SLC35D4: variants seen among roughly 807,000 people sequenced by gnomAD.
SLC35D4 encodes solute carrier family 35 member D4, also known as UDP-N-acetylglucosamine transporter SLC35D4.
At chr18:23,299,479 GC>G in the SLC35D4 span, among the ~76,000 whole-genome samples, 1 of 152,180 alleles carries the variant, frequency 6.6e-6, no homozygotes, top group Non-Finnish European at 1.5e-5. Context: ...GGATTCACAT[GC>G]GTCTCCATGG....
the SLC35D4 span, among the ~76,000 whole-genome samples, chr18:23,265,438 A>T: frequency 6.6e-6 from 1 of 152,028 alleles, no homozygotes; most frequent in African/African-American, 2.4e-5. Context: ...GTGTCTCATC[A>T]AGTACGGGCA....
At chr18:23,360,164 G>T in the SLC35D4 span, among the ~76,000 whole-genome samples, 1 of 152,336 alleles carries the variant, frequency 6.6e-6, no homozygotes, top group South Asian at 2.1e-4. Flanking sequence ...TGCTGGTAAG[G>T]ATGTGGAGCA....
chr18:23,375,319 G>A, the SLC35D4 span, among the ~76,000 whole-genome samples: 1 of 151,820 alleles, frequency 6.6e-6, no homozygotes, highest in Non-Finnish European at 1.5e-5. Flanking sequence ...ATTTAGAAGT[G>A]GAGTCATGAC....
the SLC35D4 span, among the ~76,000 whole-genome samples, chr18:23,339,728 G>A: frequency 3.3e-5 from 5 of 152,184 alleles, no homozygotes; most frequent in South Asian, 8.3e-4. Flanking sequence ...TGCAGATTCC[G>A]TGTCTGGTGA....
At chr18:23,345,120 G>C in the SLC35D4 span, among the ~76,000 whole-genome samples, 1 of 152,030 alleles carries the variant, frequency 6.6e-6, no homozygotes, top group Admixed American at 6.6e-5. Context: ...TGGCGAGCAA[G>C]GATCTAAGAT....
the SLC35D4 span, among the ~76,000 whole-genome samples, chr18:23,431,951 C>T: frequency 6.6e-6 from 1 of 152,134 alleles, no homozygotes; most frequent in Non-Finnish European, 1.5e-5. Context: ...TATATATCTA[C>T]TTTTTTCCCA....
the SLC35D4 span, among the ~76,000 whole-genome samples, chr18:23,423,304 C>T: frequency 6.6e-6 from 1 of 152,338 alleles, no homozygotes; most frequent in Admixed American, 6.5e-5. Flanking sequence ...TTCACTGACC[C>T]AGCCAAGCAG....
the SLC35D4 span, among the ~76,000 whole-genome samples, chr18:23,400,384 G>A: frequency 6.6e-6 from 1 of 152,174 alleles, no homozygotes; most frequent in Non-Finnish European, 1.5e-5. Flanking sequence ...AGCACTTTGG[G>A]AGGCTAAGAC....
the SLC35D4 span, chr18:23,430,644 T>C: frequency 1.2e-6 from 2 of 1,612,004 alleles, no homozygotes; most frequent in East Asian, 2.2e-5. Context: ...TGGAATAATG[T>C]AGGGTAGGTA....
the SLC35D4 span, chr18:23,257,038 A>G: frequency 1.6e-6 from 1 of 610,536 alleles, no homozygotes; most frequent in East Asian, 2.9e-5. Flanking sequence ...GGAAAGGAGC[A>G]GCTCCTTCAC....
the SLC35D4 span, among the ~76,000 whole-genome samples, chr18:23,374,698 C>T: frequency 9.9e-5 from 15 of 152,072 alleles, no homozygotes; most frequent in Admixed American, 3.3e-4. Flanking sequence ...TTAGTCAGGC[C>T]GGTCTCGAAC....
At chr18:23,364,320 A>T in the SLC35D4 span, among the ~76,000 whole-genome samples, 2,584 of 151,258 alleles carry the variant, frequency 0.017, 69 homozygotes, top group African/African-American at 0.059. Flanking sequence ...GTTTGTTTTT[A>T]AAAAAAAACA....
the SLC35D4 span, among the ~76,000 whole-genome samples, chr18:23,248,220 C>T: frequency 5.3e-5 from 8 of 152,318 alleles, no homozygotes; most frequent in Non-Finnish European, 8.8e-5. Flanking sequence ...TCAGACTCAA[C>T]GGATCGGATA....
the SLC35D4 span, among the ~76,000 whole-genome samples, chr18:23,308,561 C>T: frequency 1.2e-3 from 183 of 152,216 alleles, 4 homozygotes; most frequent in East Asian, 0.031. Flanking sequence ...CCATGTCTCC[C>T]CACCTCCACT....
the SLC35D4 span, among the ~76,000 whole-genome samples, chr18:23,375,185 G>A: frequency 6.6e-6 from 1 of 151,160 alleles, no homozygotes; most frequent in African/African-American, 2.4e-5. Flanking sequence ...GATAATAAGT[G>A]GCAACATTTG....
At chr18:23,393,304 C>G in the SLC35D4 span, among the ~76,000 whole-genome samples, 29 of 152,200 alleles carry the variant, frequency 1.9e-4, no homozygotes, top group East Asian at 2.1e-3. Context: ...GTTCACACTT[C>G]ATTATGTACA....
At chr18:23,356,592 A>G in the SLC35D4 span, 2 of 1,614,112 alleles carry the variant, frequency 1.2e-6, no homozygotes, top group Non-Finnish European at 1.7e-6. This position sits in a 1 kb window ranked among gnomAD's most constrained non-coding sequence, Gnocchi z 4.1. Context: ...GCTTACGATT[A>G]CCTGGCACAG....
the SLC35D4 span, among the ~76,000 whole-genome samples, chr18:23,412,865 G>A: frequency 0.027 from 4,039 of 152,240 alleles, 60 homozygotes; most frequent in Middle Eastern, 0.061. Context: ...GAGCCCACAA[G>A]GCTAACATAT....
chr18:23,309,868 C>T, the SLC35D4 span: 10 of 900,346 alleles, frequency 1.1e-5, no homozygotes, highest in Admixed American at 3.7e-5. Flanking sequence ...CTTCGTTCCA[C>T]TTCCCGTGTC....
Sources: gnomAD v4.1 joint callset for allele counts (sites outside exome capture counted in the v4.1 genomes callset) on GRCh38, gnomAD v4.1.1 for gene constraint, Gnocchi (gnomAD v3.1) non-coding constraint, MANE v1.5 for transcripts, NCBI Gene and HGNC (gene_info 2026-07-23, HGNC 2026-07-21) for gene names.